Variants in ZNF227 observed in about 807,000 individuals in gnomAD.
The protein encoded by ZNF227 is zinc finger protein 227.
In ZNF227, 12 loss-of-function variants were observed where a neutral mutation model predicts 13.2. That is an observed-to-expected ratio of 0.91 (90% CI 0.58 to 1.47). The LOEUF is 1.47. ZNF227 is among the 40% of genes most tolerant of loss of function. The probability of loss-of-function intolerance (pLI) is 0.00; values close to 1 mark genes in which losing one functional copy is unlikely to be tolerated. For synonymous variants in ZNF227, 338 were observed against 326.0 expected (o/e 1.04, Z -0.40); for missense variants, 885 against 967.5 (o/e 0.91, Z 1.13).
intron 3 of ZNF227, among the ~76,000 whole-genome samples, chr19:44,228,008 C>T (rs1973355633): frequency 6.6e-6 from 1 of 152,108 alleles, no homozygotes; most frequent in Non-Finnish European, 1.5e-5. Flanking sequence ...GCGGGCAGAT[C>T]ATTGGAGGTC....
At position 44,217,906 on chromosome 19, in the gene ZNF227, A is replaced by T. The variant is rs7254458; in HGVS notation, c.60+54A>T. ...AAAATGTGATTTATTTCTCAAAGAT[A>T]ACAGATTTATTTTTTCTCTTTCTTG... On this transcript the variant is annotated intron_variant, in intron 3 of 5. Coordinates refer to ENST00000313040, the MANE Select transcript of ZNF227 (RefSeq NM_182490.3). The T allele has an allele frequency of 0.039, 61,375 of 1,593,150 alleles. 8,536 individuals carry two copies. In the African/African-American group the frequency reaches 0.41, roughly 11 times the overall value.
chr19:44,211,710 C>G (rs559485247), upstream of ZNF227, among the ~76,000 whole-genome samples: 18 of 151,878 alleles, frequency 1.2e-4, no homozygotes, highest in South Asian at 3.7e-3. Context: ...ATTCTGCCTT[C>G]GTTGCATTTT....
chr19:44,236,967 C>T lies in ZNF227; in HGVS notation c.*137C>T, dbSNP rs1974576711. On this transcript the variant is annotated 3_prime_UTR_variant, in exon 6 of 6. Coordinates refer to ENST00000313040, the MANE Select transcript of ZNF227 (RefSeq NM_182490.3). ...CACACTTGGAATCTTTCTAACAAAT[C>T]CATCAAGATGATAACACAGAACCAT... 2 of 674,618 alleles carry T rather than the reference C, an allele frequency of 3.0e-6. No homozygotes were observed. Among genetic ancestry groups the T allele is most frequent in the South Asian group, 2.1e-5 (1 of 47,758 alleles). The allele number at this position is 674,618 out of a possible 1,614,324, so 41.8% of individuals were successfully genotyped here. A position where few individuals can be genotyped will look rare whatever the true frequency, so the allele number is the denominator to read the frequency against.
At position 44,236,547 on chromosome 19, in the gene ZNF227, A is replaced by G. The variant is rs762292509; in HGVS notation, c.2117A>G (p.His706Arg). 1.2e-6 allele frequency: 2 copies of G among 1,614,148 alleles called. No individual in the cohort carries two copies. The highest frequency in any genetic ancestry group is 1.7e-5 in the Admixed American group (1 of 60,014). Residue 706 changes from histidine to arginine, a missense_variant, in exon 6 of 6, where the codon CAT (histidine) becomes CGT (arginine). By Grantham distance (29) the His-to-Arg change is conservative. Transcript: ENST00000313040. Reference protein sequence around the residue: ...GFGRSLNLRHHQRVHTGEKPH... With the variant: ...GFGRSLNLRHRQRVHTGEKPH... ...GGTAGGAGCTTGAATCTTCGCCATC[A>G]TCAGAGGGTCCACACGGGAGAGAAA...
chr19:44,231,909 A>G (rs772026140), intron 5 of ZNF227, among the ~76,000 whole-genome samples: 5 of 152,248 alleles, frequency 3.3e-5, no homozygotes, highest in Non-Finnish European at 4.4e-5. Context: ...TATCAGTGGC[A>G]ATATGGCAGG....
chr19:44,215,265 C>T (rs965011672), intron 2 of ZNF227, among the ~76,000 whole-genome samples: 3 of 150,528 alleles, frequency 2.0e-5, no homozygotes, highest in African/African-American at 7.3e-5. Flanking sequence ...CTCCCGGGTT[C>T]AAGCGATTCT....
chr19:44,219,937 C>T (rs911289169), intron 3 of ZNF227, among the ~76,000 whole-genome samples: 30 of 151,876 alleles, frequency 2.0e-4, no homozygotes, highest in Non-Finnish European at 3.1e-4. Flanking sequence ...CCACTCCCCC[C>T]ACCCCACAAC....
intron 3 of ZNF227, among the ~76,000 whole-genome samples, chr19:44,225,406 A>G (rs895649401): frequency 6.6e-6 from 1 of 152,216 alleles, no homozygotes; most frequent in Non-Finnish European, 1.5e-5. Flanking sequence ...AGGTACACCA[A>G]TCAGACGTAG....
chr19:44,214,200 T>C (rs1971609614), intron 2 of ZNF227, among the ~76,000 whole-genome samples: 1 of 152,192 alleles, frequency 6.6e-6, no homozygotes, highest in Admixed American at 6.5e-5. Flanking sequence ...TATTTATGTG[T>C]CTCAGTATAT....
intron 2 of ZNF227, among the ~76,000 whole-genome samples, chr19:44,214,009 T>G (rs1213264827): frequency 6.6e-6 from 1 of 152,248 alleles, no homozygotes; most frequent in Admixed American, 6.5e-5. Context: ...AAATACACAC[T>G]GGATTTCAAA....
intron 3 of ZNF227, among the ~76,000 whole-genome samples, chr19:44,222,892 C>A (rs1462504657): frequency 6.6e-6 from 1 of 151,144 alleles, no homozygotes; most frequent in East Asian, 1.9e-4. Flanking sequence ...ATGATATTGG[C>A]TGTGGGTTTG....
chr19:44,212,051 G>A (rs1197250510), upstream of ZNF227, among the ~76,000 whole-genome samples: 2 of 151,316 alleles, frequency 1.3e-5, no homozygotes, highest in Admixed American at 6.6e-5. Context: ...CACCACGCCC[G>A]GCTAATTTTT....
upstream of ZNF227, among the ~76,000 whole-genome samples, chr19:44,210,492 T>C (rs1599756532): frequency 6.6e-6 from 1 of 152,230 alleles, no homozygotes; most frequent in East Asian, 1.9e-4. Flanking sequence ...GCTGTAATAT[T>C]AGCTACTACA....
chr19:44,228,179 A>G (rs1055268999), intron 3 of ZNF227: 36 of 287,316 alleles, frequency 1.3e-4, no homozygotes, highest in South Asian at 7.1e-5. Flanking sequence ...TGCAGTGAGC[A>G]GAGATTGCGC....
At chr19:44,230,926 A>AAAAAAAAAAAAAAAAAAATAAAT (rs1555792168) in intron 5 of ZNF227, among the ~76,000 whole-genome samples, 1 of 68,134 alleles carries the variant, frequency 1.5e-5, no homozygotes, top group African/African-American at 9.8e-5. Flanking sequence ...AAAAAAAAAA[A>AAAAAAAAAAAAAAAAAAATAAAT]ATATATATAT....
At chr19:44,230,920 A>AT (rs1973718315) in intron 5 of ZNF227, among the ~76,000 whole-genome samples, 1 of 111,782 alleles carries the variant, frequency 8.9e-6, no homozygotes, top group Admixed American at 9.2e-5. Flanking sequence ...AAAAAAAAAA[A>AT]AAAAAAATAT....
intron 3 of ZNF227, among the ~76,000 whole-genome samples, chr19:44,220,289 A>G (rs1230137702): frequency 2.0e-5 from 3 of 152,154 alleles, no homozygotes; most frequent in Non-Finnish European, 4.4e-5. Flanking sequence ...CTTTGGGTAT[A>G]TACCCAGTAA....
In ZNF227 at chr19:44,236,864, T is replaced by G; in HGVS notation, c.*34T>G. ...AATGTGTTACCAACTTTTGTCTGAATGCACATCTTCAAGTTTTTGGCTAGT... is the reference window on the plus strand; with the variant it reads ...AATGTGTTACCAACTTTTGTCTGAAGGCACATCTTCAAGTTTTTGGCTAGT... On this transcript the variant is annotated 3_prime_UTR_variant, in exon 6 of 6. Coordinates refer to ENST00000313040, the MANE Select transcript of ZNF227 (RefSeq NM_182490.3). 6.6e-7 allele frequency: 1 copy of G among 1,522,916 alleles called. No individual in the cohort carries two copies. The highest frequency in any genetic ancestry group is 1.3e-5 in the South Asian group (1 of 75,716). The allele number at this position is 1,522,916 out of a possible 1,614,324, so 94.3% of individuals were successfully genotyped here.
At chr19:44,233,258 G>C (rs1425217204) in intron 5 of ZNF227, among the ~76,000 whole-genome samples, 2 of 152,018 alleles carry the variant, frequency 1.3e-5, no homozygotes, top group Non-Finnish European at 2.9e-5. Context: ...TCTTGACTAA[G>C]CATAAATATG....
Sources: gnomAD v4.1 joint callset for allele counts (sites outside exome capture counted in the v4.1 genomes callset) on GRCh38, gnomAD v4.1.1 for gene constraint, MANE v1.5 for transcripts, NCBI Gene and HGNC (gene_info 2026-07-23, HGNC 2026-07-21) for gene names.